Variants in PID1 observed in about 807,000 individuals in gnomAD.
The protein encoded by PID1 is PTB-containing, cubilin and LRP1-interacting protein.
A neutral mutation model predicts 19.1 loss-of-function variants in PID1; 10 were observed. The ratio of observed to expected loss-of-function variants is 0.52; its 90% CI spans 0.32 to 0.89. The LOEUF (loss-of-function observed/expected upper bound fraction) is 0.89. Among genes scored for constraint, PID1 ranks in the 40% least tolerant of loss-of-function variants. PID1 has a pLI of 0.03. For missense variants in PID1, 248 were observed against 285.3 expected, an observed-to-expected ratio of 0.87 and a Z score of 0.94; for synonymous variants, 130 against 116.0, an observed-to-expected ratio of 1.12 and a Z score of -0.78.
intron 2 of PID1, among the ~76,000 whole-genome samples, chr2:229,036,482 G>A (rs572659438): frequency 3.2e-4 from 47 of 146,314 alleles, no homozygotes; most frequent in Non-Finnish European, 6.9e-4. Flanking sequence ...CAGGTGTGGT[G>A]GCTCACGGCT....
At chr2:229,143,885 G>A (rs1690070807) in intron 2 of PID1, among the ~76,000 whole-genome samples, 1 of 152,126 alleles carries the variant, frequency 6.6e-6, no homozygotes, top group African/African-American at 2.4e-5. Context: ...GGAACTGTGA[G>A]TCAATTAAAC....
chr2:229,141,567 A>C (rs1438672520), intron 2 of PID1, among the ~76,000 whole-genome samples: 1 of 152,116 alleles, frequency 6.6e-6, no homozygotes, highest in Non-Finnish European at 1.5e-5. Context: ...TACTAGGTGG[A>C]AACATGAGAA....
intron 1 of PID1, among the ~76,000 whole-genome samples, chr2:229,208,488 T>A (rs1432651377): frequency 6.6e-6 from 1 of 152,178 alleles, no homozygotes; most frequent in Non-Finnish European, 1.5e-5. Context: ...TCAAACAGAA[T>A]AGGGATTATG....
chr2:229,227,379 A>G (rs888009463), intron 1 of PID1, among the ~76,000 whole-genome samples: 7 of 152,346 alleles, frequency 4.6e-5, no homozygotes, highest in Middle Eastern at 3.4e-3. Context: ...ATCATCACAG[A>G]TAGTTCTAAT....
At chr2:229,027,328 C>A (rs975563496) in intron 2 of PID1, among the ~76,000 whole-genome samples, 4 of 152,164 alleles carry the variant, frequency 2.6e-5, no homozygotes, top group Non-Finnish European at 5.9e-5. Context: ...CTCTTATACA[C>A]AATGGCAATA....
intron 2 of PID1, among the ~76,000 whole-genome samples, chr2:229,137,415 A>C (rs1689878227): frequency 6.6e-6 from 1 of 152,222 alleles, no homozygotes; most frequent in Non-Finnish European, 1.5e-5. Flanking sequence ...AACATATTTA[A>C]GTTAATTTCT....
At chr2:229,206,965 G>A (rs1691622868) in intron 1 of PID1, among the ~76,000 whole-genome samples, 1 of 152,130 alleles carries the variant, frequency 6.6e-6, no homozygotes, top group Non-Finnish European at 1.5e-5. Context: ...GCTCCCAGGT[G>A]ATGCAAATTC....
chr2:229,097,616 T>G (rs1261999461), intron 2 of PID1, among the ~76,000 whole-genome samples: 1 of 152,160 alleles, frequency 6.6e-6, no homozygotes, highest in Non-Finnish European at 1.5e-5. Flanking sequence ...AACAGTATAT[T>G]AAAGACTGAA....
chr2:229,114,966 T>G (rs1169945969), intron 2 of PID1, among the ~76,000 whole-genome samples: 1 of 151,998 alleles, frequency 6.6e-6, no homozygotes, highest in African/African-American at 2.4e-5. Context: ...CAGATCGTTT[T>G]TCACATGTTA....
intron 2 of PID1, among the ~76,000 whole-genome samples, chr2:229,101,528 C>A (rs1395237920): frequency 1.3e-5 from 2 of 152,186 alleles, no homozygotes; most frequent in Admixed American, 1.3e-4. Flanking sequence ...TATATTCACT[C>A]TAACTATGGG....
intron 2 of PID1, among the ~76,000 whole-genome samples, chr2:229,146,607 A>G (rs977089850): frequency 6.6e-6 from 1 of 152,060 alleles, no homozygotes; most frequent in Non-Finnish European, 1.5e-5. Context: ...CATCTGTAGT[A>G]GGGTGAATAC....
chr2:229,030,757 AT>A (rs1190030815), intron 2 of PID1, among the ~76,000 whole-genome samples: 3 of 152,206 alleles, frequency 2.0e-5, no homozygotes, highest in Non-Finnish European at 4.4e-5. Context: ...CTTCCTCTTT[AT>A]AAATCTTTAT....
At chr2:229,231,685 A>C (rs985067906) in intron 1 of PID1, among the ~76,000 whole-genome samples, 3 of 152,140 alleles carry the variant, frequency 2.0e-5, no homozygotes, top group Non-Finnish European at 4.4e-5. Flanking sequence ...GAAGAACAGA[A>C]GAACACTCTC....
At chr2:229,250,281 A>AT (rs953492084) in intron 1 of PID1, among the ~76,000 whole-genome samples, 5 of 152,166 alleles carry the variant, frequency 3.3e-5, no homozygotes, top group African/African-American at 4.8e-5. Context: ...CTCAGATGCA[A>AT]TTTTTTTAAT....
intron 1 of PID1, among the ~76,000 whole-genome samples, chr2:229,250,211 T>C (rs1011050502): frequency 2.0e-5 from 3 of 152,198 alleles, no homozygotes; most frequent in East Asian, 3.8e-4. Context: ...TTTTCCCAAA[T>C]AGAAAATTAT....
intron 1 of PID1, among the ~76,000 whole-genome samples, chr2:229,269,438 A>G (rs1381138239): frequency 6.6e-6 from 1 of 152,214 alleles, no homozygotes; most frequent in African/African-American, 2.4e-5. Context: ...GGTAGGAAGA[A>G]CTTGAATAGT....
At chr2:229,065,295 G>A (rs1057292831) in intron 2 of PID1, among the ~76,000 whole-genome samples, 2 of 151,888 alleles carry the variant, frequency 1.3e-5, no homozygotes, top group South Asian at 2.1e-4. Context: ...TTTTAGGTGG[G>A]GCAGGAAAAA....
At chr2:229,052,650 T>C (rs1384428749) in intron 2 of PID1, among the ~76,000 whole-genome samples, 1 of 151,892 alleles carries the variant, frequency 6.6e-6, no homozygotes, top group Non-Finnish European at 1.5e-5. Flanking sequence ...ATACATGAAA[T>C]AAATTTACTT....
At chr2:229,117,066 T>C (rs1253424274) in intron 2 of PID1, among the ~76,000 whole-genome samples, 1 of 152,188 alleles carries the variant, frequency 6.6e-6, no homozygotes, top group Admixed American at 6.5e-5. Flanking sequence ...ATGTTATTTA[T>C]ATGTGAATAG....
Sources: gnomAD v4.1 joint callset for allele counts (sites outside exome capture counted in the v4.1 genomes callset) on GRCh38, gnomAD v4.1.1 for gene constraint, MANE v1.5 for transcripts, NCBI Gene and HGNC (gene_info 2026-07-23, HGNC 2026-07-21) for gene names.